Variants in FAF1 observed in about 807,000 individuals in gnomAD.
FAF1 encodes the protein FAS-associated factor 1.
Under a neutral mutation model 92.5 loss-of-function variants are expected in FAF1, and 25 were observed. That is an observed-to-expected ratio of 0.27 (90% CI 0.20 to 0.38). The LOEUF (loss-of-function observed/expected upper bound fraction) is 0.38, where lower values mean the gene tolerates loss of function less well. FAF1 is among the 10% of genes least tolerant of loss of function. The pLI is 1.00. For synonymous variants in FAF1, 234 were observed against 273.2 expected (o/e 0.86, Z 1.42); for missense variants, 636 against 793.3 (o/e 0.80, Z 2.38).
chr1:50,714,221 G>A (rs191573498), intron 6 of FAF1, among the ~76,000 whole-genome samples: 29 of 148,594 alleles, frequency 2.0e-4, no homozygotes, highest in Middle Eastern at 3.5e-3. Flanking sequence ...CATTATCTTC[G>A]CCTGGGTGTC....
chr1:50,691,814 C>T (rs1022784739), intron 7 of FAF1, among the ~76,000 whole-genome samples: 1 of 152,148 alleles, frequency 6.6e-6, no homozygotes, highest in Non-Finnish European at 1.5e-5. Context: ...AGCCATCGTG[C>T]CTGGCCATTT....
intron 1 of FAF1, among the ~76,000 whole-genome samples, chr1:50,897,577 A>G (rs1178885044): frequency 6.6e-6 from 1 of 152,230 alleles, no homozygotes; most frequent in African/African-American, 2.4e-5. Flanking sequence ...CTCCAAAGCT[A>G]TAATAAATGA....
At position 50,440,424 on chromosome 1, in the gene FAF1, G is replaced by T. The variant is rs538282570; in HGVS notation, c.*1016C>A. ...CCACAGAATGAGATCCCTTTCATTT[G>T]AGTCCAATATCAAATACTAAAACAT... On this transcript the variant is annotated 3_prime_UTR_variant, in exon 19 of 19. Transcript: ENST00000396153. 1 of 152,190 alleles carries T rather than the reference G, an allele frequency of 6.6e-6. No homozygotes were observed. The highest frequency in any genetic ancestry group is 6.5e-5 in the Admixed American group (1 of 15,278). The allele number at this position is 152,190 out of a possible 1,614,324, so 9.4% of individuals were successfully genotyped here.
chr1:50,854,767 A>G (rs564027012), intron 2 of FAF1, among the ~76,000 whole-genome samples: 45 of 151,942 alleles, frequency 3.0e-4, no homozygotes, highest in Middle Eastern at 3.4e-3. Context: ...GTGTGTTTAG[A>G]TCTACAAAAT....
chr1:50,705,847 G>C lies in FAF1; in HGVS notation c.596C>G (p.Thr199Ser). 1.9e-6 allele frequency: 3 copies of C among 1,609,106 alleles called. No homozygotes were observed. The highest frequency in any genetic ancestry group is 2.5e-6 in the Non-Finnish European group (3 of 1,177,866). Reference sequence around the variant, plus strand: ...GTACTCCCGCTGGACTTCTCGGTGGGTGATGATCAGCATGAAGTTTTGATT... The same window carrying C: ...GTACTCCCGCTGGACTTCTCGGTGGCTGATGATCAGCATGAAGTTTTGATT... ...SLNQNFMLIITHREVQREYNL... is the reference protein window; with the variant it reads ...SLNQNFMLIISHREVQREYNL... Residue 199 changes from threonine to serine, a missense_variant, in exon 7 of 19, where the codon ACC becomes AGC. By Grantham distance (58) the Thr-to-Ser change is moderately conservative. This residue lies in a region of FAF1 where 317 missense variants were observed against 342.4 expected (regional missense o/e 0.93). Coordinates refer to ENST00000396153, the MANE Select transcript of FAF1 (RefSeq NM_007051.3).
intron 9 of FAF1, among the ~76,000 whole-genome samples, chr1:50,585,917 T>G: frequency 6.9e-6 from 1 of 144,842 alleles, no homozygotes; most frequent in African/African-American, 2.6e-5. Flanking sequence ...AAGTCTGGCA[T>G]GATGGTGTGC....
At chr1:50,485,988 CT>C (rs1450500827) in intron 17 of FAF1, among the ~76,000 whole-genome samples, 1 of 152,064 alleles carries the variant, frequency 6.6e-6, no homozygotes, top group African/African-American at 2.4e-5. Flanking sequence ...CAGGCCCTTC[CT>C]TCAACATGTG....
intron 2 of FAF1, among the ~76,000 whole-genome samples, chr1:50,805,835 C>T (rs2124598329): frequency 6.6e-6 from 1 of 152,124 alleles, no homozygotes; most frequent in East Asian, 1.9e-4. Context: ...GTTGTGGTAA[C>T]AATAATGGCA....
intron 6 of FAF1, among the ~76,000 whole-genome samples, chr1:50,711,463 C>CTTTTTTTTTTTT (rs1160668174): frequency 1.2e-5 from 1 of 81,976 alleles, no homozygotes; most frequent in Non-Finnish European, 2.3e-5. Context: ...TCCACACTGA[C>CTTTTTTTTTTTT]TTTTTTTTTT....
chr1:50,908,358 G>C (rs917953688), intron 1 of FAF1, among the ~76,000 whole-genome samples: 1 of 152,202 alleles, frequency 6.6e-6, no homozygotes, highest in African/African-American at 2.4e-5. Context: ...GCTGACCTGG[G>C]GTGGAGGGTT....
At chr1:50,683,535 A>C (rs1296428063) in intron 7 of FAF1, among the ~76,000 whole-genome samples, 1 of 152,006 alleles carries the variant, frequency 6.6e-6, no homozygotes, top group Non-Finnish European at 1.5e-5. Flanking sequence ...TCATTAAAAA[A>C]AAAAAAAATT....
chr1:50,797,969 G>A (rs1049118297), intron 3 of FAF1, among the ~76,000 whole-genome samples: 5 of 151,918 alleles, frequency 3.3e-5, no homozygotes, highest in African/African-American at 1.2e-4. Context: ...TCAGGCTCTT[G>A]GAAGGCAATG....
chr1:50,953,846 TACAGAAAACATA>T (rs1441753512), intron 1 of FAF1, among the ~76,000 whole-genome samples: 1 of 152,178 alleles, frequency 6.6e-6, no homozygotes, highest in African/African-American at 2.4e-5. Flanking sequence ...ATTTGTGTGT[TACAGAAAACATA>T]ACTGAAAATA....
At position 50,705,829 on chromosome 1, in the gene FAF1, C is replaced by G; in HGVS notation, c.614G>C (p.Arg205Pro). ...TCCTGAGAAGTTCAGGTTGTACTCCCGCTGGACTTCTCGGTGGGTGATGAT... is the reference window on the plus strand; with the variant it reads ...TCCTGAGAAGTTCAGGTTGTACTCCGGCTGGACTTCTCGGTGGGTGATGAT... ...MLIITHREVQREYNLNFSGSS... is the reference protein window; with the variant it reads ...MLIITHREVQPEYNLNFSGSS... The change falls in exon 7 of 19, where the codon CGG (arginine) becomes CCG (proline). Residue 205 changes from arginine to proline, a missense_variant. Arg to Pro is a moderately radical substitution (Grantham distance 103). Around this residue, in one of 2 missense-constraint regions of FAF1, gnomAD observed 317 missense variants for 342.4 expected, o/e 0.93. Coordinates refer to ENST00000396153, the MANE Select transcript of FAF1 (RefSeq NM_007051.3). 6.2e-7 allele frequency: 1 copy of G among 1,612,336 alleles called. No homozygotes were observed. Among genetic ancestry groups the G allele is most frequent in the Non-Finnish European group, 8.5e-7 (1 of 1,178,786 alleles).
chr1:50,494,727 C>T (rs1646879212), intron 15 of FAF1, among the ~76,000 whole-genome samples: 1 of 152,190 alleles, frequency 6.6e-6, no homozygotes, highest in Non-Finnish European at 1.5e-5. Context: ...GTAAAAGACT[C>T]TATTTCATAT....
chr1:50,876,672 G>A (rs548975154), intron 1 of FAF1, among the ~76,000 whole-genome samples: 3 of 152,186 alleles, frequency 2.0e-5, no homozygotes, highest in East Asian at 1.9e-4. Flanking sequence ...AGCAACCTCC[G>A]CCTCCCAGGT....
chr1:50,722,646 C>CAACAAAAA (rs1658461393), intron 6 of FAF1, among the ~76,000 whole-genome samples: 1 of 65,748 alleles, frequency 1.5e-5, no homozygotes, highest in African/African-American at 5.5e-5. Context: ...GCGACAGTCT[C>CAACAAAAA]AAAAAAAAAA....
chr1:50,913,499 T>A (rs143037429), intron 1 of FAF1, among the ~76,000 whole-genome samples: 188 of 152,332 alleles, frequency 1.2e-3, no homozygotes, highest in African/African-American at 4.0e-3. Flanking sequence ...CCTTGCAGAT[T>A]TCTTCAAGAT....
At chr1:50,783,349 T>G (rs926986262) in intron 4 of FAF1, among the ~76,000 whole-genome samples, 1 of 152,184 alleles carries the variant, frequency 6.6e-6, no homozygotes, top group African/African-American at 2.4e-5. Context: ...CTTCCTAACT[T>G]CTTTCACGAG....
Sources: gnomAD v4.1 joint callset for allele counts (sites outside exome capture counted in the v4.1 genomes callset) on GRCh38, gnomAD v4.1.1 for gene constraint, gnomAD v4.1.1 regional missense constraint, MANE v1.5 for transcripts, NCBI Gene and HGNC (gene_info 2026-07-23, HGNC 2026-07-21) for gene names.